IREB2: variants seen among roughly 807,000 people sequenced by gnomAD.
IREB2 encodes iron-responsive element-binding protein 2.
In IREB2, 39 loss-of-function variants were observed where a neutral mutation model predicts 118.8. The observed-to-expected ratio is 0.33, with a 90% CI of 0.25 to 0.43. The LOEUF is 0.43. Ranked by LOEUF, IREB2 falls within the 20% of genes least tolerant of loss-of-function variation. IREB2 has a pLI of 1.00. For missense variants in IREB2, 900 were observed against 1,147.3 expected (o/e 0.78, Z 3.11); for synonymous variants, 372 against 392.2 (o/e 0.95, Z 0.61).
intron 5 of IREB2, among the ~76,000 whole-genome samples, chr15:78,467,464 G>A (rs1300345707): frequency 6.6e-6 from 1 of 152,222 alleles, no homozygotes; most frequent in Non-Finnish European, 1.5e-5. Flanking sequence ...GGCCGGGGCA[G>A]GCAGATCACC....
intron 2 of IREB2, among the ~76,000 whole-genome samples, chr15:78,457,400 T>G (rs2051124095): frequency 6.6e-6 from 1 of 152,192 alleles, no homozygotes; most frequent in African/African-American, 2.4e-5. Flanking sequence ...CTCTCTGATT[T>G]TATAGAGCAT....
chr15:78,460,285 A>G (rs183984879), intron 2 of IREB2, among the ~76,000 whole-genome samples: 116 of 152,270 alleles, frequency 7.6e-4, no homozygotes, highest in Non-Finnish European at 2.4e-4. Flanking sequence ...ATAACAAAGT[A>G]CTTTTGTCTA....
At position 78,493,884 on chromosome 15, in the gene IREB2, A is replaced by G. The variant is rs961070771; in HGVS notation, c.2325-25A>G. The G allele has an allele frequency of 5.6e-6, 9 of 1,596,198 alleles. No homozygotes were observed. The African/African-American group carries it at 1.1e-4, about 19-fold the overall frequency. The stretch of plus-strand genomic sequence containing the variant: ...TGATTATTTTCCACATGTAATGAAA[A>G]CTGACTTTCATTACTTTCTTGTAGC... On this transcript the variant is annotated intron_variant, in intron 18 of 21. Transcript: ENST00000258886.
Position 78,478,297 on chromosome 15 carries a change from G to A in IREB2, c.1196G>A (p.Gly399Asp). 1.9e-6 allele frequency: 3 copies of A among 1,600,922 alleles called. No individual in the cohort carries two copies. Among genetic ancestry groups the A allele is most frequent in the Non-Finnish European group, 2.6e-6 (3 of 1,169,248 alleles). ...GTTGTTTTGTTCATCTTCGTTTTAG[G>A]TTTTAGCAAAGCCAAACTCGAATCA... is the stretch of plus-strand genomic sequence containing the variant. ...NVTLKHLEHTGFSKAKLESME... is the reference protein window; with the variant it reads ...NVTLKHLEHTDFSKAKLESME... The change falls in exon 10 of 22, where the codon GGT becomes GAT. Residue 399 changes from glycine to aspartate, a missense_variant and splice_region_variant. Physicochemically the swap from Gly to Asp is moderately conservative, Grantham distance 94. Transcript: ENST00000258886.
At chr15:78,487,062 C>G (rs939938793) in intron 13 of IREB2, among the ~76,000 whole-genome samples, 3 of 152,142 alleles carry the variant, frequency 2.0e-5, no homozygotes, top group African/African-American at 7.2e-5. Flanking sequence ...TTTAGAATAG[C>G]ATCTGAAAGT....
chr15:78,487,782 C>A lies in IREB2; in HGVS notation c.1759C>A (p.Pro587Thr). 1 of 1,608,020 alleles carries A rather than the reference C, an allele frequency of 6.2e-7. No homozygotes were observed. The highest frequency in any genetic ancestry group is 8.5e-7 in the Non-Finnish European group (1 of 1,174,982). Reference protein sequence around the residue: ...GCSICVGNTAPLSDAVLNAVK... With the variant: ...GCSICVGNTATLSDAVLNAVK... ...TTCAATTTGTGTGGGAAATACAGCA[C>A]CCTTATCAGACGCAGTTTTAAATGC... is the stretch of plus-strand genomic sequence containing the variant. The change falls in exon 14 of 22, where the codon CCC (proline) becomes ACC (threonine). Residue 587 changes from proline (P) to threonine (T), a missense_variant. By Grantham distance (38) the Pro-to-Thr change is conservative. Transcript: ENST00000258886.
intron 2 of IREB2, among the ~76,000 whole-genome samples, chr15:78,441,643 CTG>C (rs1166575900): frequency 6.6e-6 from 1 of 152,114 alleles, no homozygotes; most frequent in Non-Finnish European, 1.5e-5. Context: ...CAGTAGGAAA[CTG>C]TCAAAAACAA....
intron 16 of IREB2, among the ~76,000 whole-genome samples, chr15:78,489,552 T>G (rs1421496310): frequency 6.6e-6 from 1 of 152,174 alleles, no homozygotes; most frequent in Non-Finnish European, 1.5e-5. Context: ...CACCCCACTC[T>G]GTCACCCAGG....
intron 2 of IREB2, among the ~76,000 whole-genome samples, chr15:78,451,025 C>G (rs1445099063): frequency 1.3e-5 from 2 of 152,086 alleles, no homozygotes; most frequent in Non-Finnish European, 2.9e-5. Context: ...AGTGCAGTGG[C>G]TCAATCTCGG....
chr15:78,500,723 G>A lies in IREB2; in HGVS notation c.*2580G>A, dbSNP rs1169265571. ...TGGGGTTTTGCTACTCTTATACAAT[G>A]GAATCAATGGAAATGTCATCCAGCC... On this transcript the variant is annotated 3_prime_UTR_variant, in exon 22 of 22. Transcript: ENST00000258886. The A allele has an allele frequency of 1.3e-5, 2 of 151,994 alleles. No homozygotes were observed. The highest frequency in any genetic ancestry group is 4.8e-5 in the African/African-American group (2 of 41,362). The allele number at this position is 151,994 out of a possible 1,614,324, so 9.4% of individuals were successfully genotyped here.
intron 5 of IREB2, among the ~76,000 whole-genome samples, chr15:78,470,048 A>G (rs2051349554): frequency 6.6e-6 from 1 of 152,216 alleles, no homozygotes; most frequent in Non-Finnish European, 1.5e-5. Flanking sequence ...TTCTTTTGGT[A>G]TGAGATGAAT....
chr15:78,470,349 G>C (rs535941636), intron 5 of IREB2, among the ~76,000 whole-genome samples, 183 bp from the exon 6 acceptor site: 1 of 152,276 alleles, frequency 6.6e-6, no homozygotes, highest in East Asian at 1.9e-4. Flanking sequence ...TTTCCGGTGT[G>C]TTATTTTAAA....
intron 11 of IREB2, among the ~76,000 whole-genome samples, 176 bp downstream of exon 11, chr15:78,483,610 G>T (rs1032524522): frequency 5.9e-5 from 9 of 152,048 alleles, no homozygotes; most frequent in African/African-American, 2.2e-4. Flanking sequence ...AGGTAAGCTT[G>T]TTCCCAGTTC....
chr15:78,485,691 T>C lies in IREB2; in HGVS notation c.1574-14T>C, dbSNP rs550224574. On this transcript the variant is annotated splice_polypyrimidine_tract_variant and intron_variant, in intron 12 of 21. Transcript: ENST00000258886. ...AACATTGCCATAATAAATCATTGTT[T>C]GTTGGCTGTGCAGGTCTTTTGGCTA... 2 of 1,611,202 alleles carry C rather than the reference T, an allele frequency of 1.2e-6. No homozygotes were observed. The highest frequency in any genetic ancestry group is 1.7e-6 in the Non-Finnish European group (2 of 1,178,740).
chr15:78,440,605 G>A (rs946071446), intron 2 of IREB2, among the ~76,000 whole-genome samples: 3 of 152,140 alleles, frequency 2.0e-5, no homozygotes, highest in Non-Finnish European at 4.4e-5. Flanking sequence ...GACCTTAAGT[G>A]ATGCATCTGC....
intron 2 of IREB2, among the ~76,000 whole-genome samples, chr15:78,446,135 G>A (rs1479403972): frequency 4.6e-5 from 7 of 152,114 alleles, no homozygotes; most frequent in Non-Finnish European, 8.8e-5. Flanking sequence ...TCTATTGCCG[G>A]TCTGGTGATC....
intron 5 of IREB2, among the ~76,000 whole-genome samples, chr15:78,469,446 G>A (rs1291751653): frequency 2.6e-5 from 4 of 151,960 alleles, no homozygotes; most frequent in Non-Finnish European, 5.9e-5. Flanking sequence ...TTGTCCGAGT[G>A]TGGTGGCTCA....
At chr15:78,470,639 AT>A in intron 6 of IREB2, 38 bp downstream of exon 6, 1 of 985,200 alleles carries the variant, frequency 1.0e-6, no homozygotes, top group East Asian at 2.5e-5. Flanking sequence ...ATTGTAATAT[AT>A]AAACTAATGA....
At chr15:78,469,338 C>G (rs553496257) in intron 5 of IREB2, among the ~76,000 whole-genome samples, 1 of 152,150 alleles carries the variant, frequency 6.6e-6, no homozygotes, top group East Asian at 1.9e-4. Context: ...GCTGTTTTCC[C>G]TGAGGCCCTG....
Sources: allele counts gnomAD v4.1 joint callset (sites outside exome capture counted in the v4.1 genomes callset), GRCh38; gene constraint gnomAD v4.1.1; transcripts MANE v1.5; gene names NCBI Gene and HGNC (gene_info 2026-07-23, HGNC 2026-07-21).